CDIP1: variants seen among roughly 807,000 people sequenced by gnomAD.
The protein encoded by CDIP1 is cell death inducing p53 target 1.
CDIP1 carries 9 observed loss-of-function variants against 17.7 expected under a neutral mutation model. That is an observed-to-expected ratio of 0.51 (90% CI 0.31 to 0.89). The LOEUF (loss-of-function observed/expected upper bound fraction) is 0.89. CDIP1 is among the 40% of genes least tolerant of loss of function. CDIP1 has a pLI of 0.05. For synonymous variants in CDIP1, 117 were observed against 109.5 expected (o/e 1.07, Z -0.43); for missense variants, 263 against 277.9 (o/e 0.95, Z 0.38).
chr16:4,514,288 C>A lies in CDIP1; in HGVS notation c.-14-144G>T. On this transcript the variant is annotated intron_variant, in intron 2 of 5. Coordinates refer to ENST00000567695, the MANE Select transcript of CDIP1 (RefSeq NM_013399.3). The surrounding 1 kb of genome is among the most constrained non-coding windows in gnomAD (Gnocchi z 5.2). ...GCCTCCAGGCACTGGGGATCCCCCACCTTTCCCAGGGCCACCTAGCCCAGA... is the reference window on the plus strand; with the variant it reads ...GCCTCCAGGCACTGGGGATCCCCCAACTTTCCCAGGGCCACCTAGCCCAGA... 1.8e-6 allele frequency: 1 copy of A among 564,840 alleles called. No individual in the cohort carries two copies. Among genetic ancestry groups the A allele is most frequent in the Non-Finnish European group, 3.1e-6 (1 of 319,606 alleles). The allele number at this position is 564,840 out of a possible 1,614,324, so 35.0% of individuals were successfully genotyped here.
chr16:4,526,893 C>A (rs1159869304), intron 1 of CDIP1, among the ~76,000 whole-genome samples: 11 of 151,992 alleles, frequency 7.2e-5, no homozygotes, highest in Non-Finnish European at 1.5e-4. Flanking sequence ...GCATCAGGCC[C>A]CACGCCCACC....
In CDIP1 at chr16:4,510,797, T is replaced by C. The variant is rs1236821843; in HGVS notation, c.*1775A>G. ...AAAGTAGGGAAACTCTTTAAACTAC[T>C]GACCAAGACTGCCACCTTCATAATT... On this transcript the variant is annotated 3_prime_UTR_variant, in exon 6 of 6. Transcript: ENST00000567695. The C allele has an allele frequency of 3.3e-5, 5 of 152,254 alleles. No homozygotes were observed. The highest frequency in any genetic ancestry group is 7.3e-5 in the Non-Finnish European group (5 of 68,046). The allele number at this position is 152,254 out of a possible 1,614,324, so 9.4% of individuals were successfully genotyped here.
chr16:4,512,704 A>G lies in CDIP1; in HGVS notation c.516-21T>C. On this transcript the variant is annotated intron_variant, in intron 5 of 5. Coordinates refer to ENST00000567695, the MANE Select transcript of CDIP1 (RefSeq NM_013399.3). The surrounding 1 kb of genome is among the most constrained non-coding windows in gnomAD (Gnocchi z 4.6). Reference sequence around the variant, plus strand: ...CACATCTGAATCAGAGACAGGGAAGAACAGGCTGAGGCCTGCTGCGGAGGA... The same window carrying G: ...CACATCTGAATCAGAGACAGGGAAGGACAGGCTGAGGCCTGCTGCGGAGGA... The G allele has an allele frequency of 6.2e-7, 1 of 1,610,212 alleles. No homozygotes were observed. The highest frequency in any genetic ancestry group is 1.1e-5 in the South Asian group (1 of 91,032).
At chr16:4,533,722 C>A (rs2059078430) in intron 1 of CDIP1, 1 of 152,038 alleles carries the variant, frequency 6.6e-6, no homozygotes, top group Admixed American at 6.6e-5. Flanking sequence ...CAAGCCCACC[C>A]CCGTACTCTT....
chr16:4,524,163 C>G (rs930685679), intron 1 of CDIP1: 1 of 152,262 alleles, frequency 6.6e-6, no homozygotes, highest in African/African-American at 2.4e-5. Flanking sequence ...AGTTTCCCCA[C>G]GTGCAAAATG....
At position 4,514,370 on chromosome 16, in the gene CDIP1, G is replaced by T. The variant is rs1275786235; in HGVS notation, c.-15+205C>A. Among the ~76,000 whole-genome samples, 3 of 152,328 alleles carry T rather than the reference G, an allele frequency of 2.0e-5. No homozygotes were observed. Among genetic ancestry groups the T allele is most frequent in the South Asian group, 2.1e-4 (1 of 4,830 alleles). On this transcript the variant is annotated intron_variant, in intron 2 of 5. Transcript: ENST00000567695. This position sits in a 1 kb window ranked among gnomAD's most constrained non-coding sequence, Gnocchi z 5.2. ...CTCTTCCCTGTTTGGAAGCTGAAGG[G>T]CAAGGACAGAACCCAGGAAGCAGGG...
At chr16:4,515,973 C>A (rs540675095) in intron 1 of CDIP1, among the ~76,000 whole-genome samples, 1 of 152,160 alleles carries the variant, frequency 6.6e-6, no homozygotes, top group Non-Finnish European at 1.5e-5. Flanking sequence ...GAAATTTGTA[C>A]ACAAATGTTC....
chr16:4,516,488 C>T (rs1202647608), intron 1 of CDIP1, among the ~76,000 whole-genome samples: 2 of 152,058 alleles, frequency 1.3e-5, no homozygotes, highest in Non-Finnish European at 2.9e-5. Context: ...CCACATGTCC[C>T]TGCTGGTCTG....
chr16:4,522,745 G>C (rs549808728), intron 1 of CDIP1, among the ~76,000 whole-genome samples: 1 of 152,214 alleles, frequency 6.6e-6, no homozygotes, highest in African/African-American at 2.4e-5. Flanking sequence ...GTGGGCCTCA[G>C]GGAAGATGCT....
intron 1 of CDIP1, among the ~76,000 whole-genome samples, chr16:4,515,705 C>T (rs1398619832): frequency 2.0e-5 from 3 of 152,174 alleles, no homozygotes; most frequent in Admixed American, 2.0e-4. Flanking sequence ...ACCAAAACCA[C>T]AAGGAGACCA....
intron 1 of CDIP1, among the ~76,000 whole-genome samples, chr16:4,534,626 C>T (rs915046070): frequency 2.3e-4 from 35 of 151,326 alleles, no homozygotes; most frequent in African/African-American, 6.8e-4. Context: ...GTTCATAGGG[C>T]GGTACACTGC....
In CDIP1 at chr16:4,512,310, T is replaced by TCA. The variant is rs1402802387; in HGVS notation, c.*260_*261dup. 3.6e-6 allele frequency: 2 copies of TCA among 556,986 alleles called. No homozygotes were observed. Among genetic ancestry groups the TCA allele is most frequent in the African/African-American group, 3.8e-5 (2 of 52,990 alleles). 34.5% of individuals were successfully genotyped at this position (556,986 alleles called of 1,614,324 possible). ...GACCCCTCCCAGCTTATCTTCCCGA[T>TCA]CACACACACCAAGCAGACCAACAAC... is the stretch of plus-strand genomic sequence containing the variant. On this transcript the variant is annotated 3_prime_UTR_variant, in exon 6 of 6. Coordinates refer to ENST00000567695, the MANE Select transcript of CDIP1 (RefSeq NM_013399.3). This position sits in a 1 kb window ranked among gnomAD's most constrained non-coding sequence, Gnocchi z 4.6.
chr16:4,516,142 T>C lies in CDIP1; in HGVS notation c.-104-1478A>G, dbSNP rs150735759. On this transcript the variant is annotated intron_variant, in intron 1 of 5. Transcript: ENST00000567695. ...CCCTACAGCATGAACTCTGAAAACA[T>C]GCTTGGTGAGAGAAGCCAGACACAA... Among the ~76,000 whole-genome samples, 12 of 152,270 alleles carry C rather than the reference T, an allele frequency of 7.9e-5. No homozygotes were observed. In the East Asian group the frequency reaches 2.1e-3, roughly 27 times the overall value.
rs28504548 is a variant in CDIP1, at chr16:4,514,038, C to T, written c.85+8G>A. 3.4e-3 allele frequency: 5,035 copies of T among 1,494,832 alleles called. 173 individuals carry two copies. In the African/African-American group the frequency reaches 0.067, roughly 20 times the overall value. The allele number at this position is 1,494,832 out of a possible 1,614,324, so 92.6% of individuals were successfully genotyped here. A position where few individuals can be genotyped will look rare whatever the true frequency, so the allele number is the denominator to read the frequency against. ...CAATATGGAGCCTCAGGAACAGTGA[C>T]CCCCTACCTGGGGTGGGCGGGGCTC... On this transcript the variant is annotated splice_region_variant and intron_variant, in intron 3 of 5. Transcript: ENST00000567695. This position sits in a 1 kb window ranked among gnomAD's most constrained non-coding sequence, Gnocchi z 5.2.
rs550470375 is a variant in CDIP1 at position 4,522,631 on chromosome 16, ACT to A, written c.-104-7969_-104-7968del. 8.7e-4 allele frequency: 132 copies of A among 152,108 alleles called. 1 individual carries two copies. Among genetic ancestry groups the A allele is most frequent in the Non-Finnish European group, 2.5e-4 (17 of 68,010 alleles). The allele number at this position is 152,108 out of a possible 1,614,324, so 9.4% of individuals were successfully genotyped here. A position where few individuals can be genotyped will look rare whatever the true frequency, so the allele number is the denominator to read the frequency against. Reference sequence around the variant, plus strand: ...GGCAGAGCCGAGGTAAAAGACAAACACTCTCTGTGCTTCTTGGGTCTGAAAAG... The same window carrying A: ...GGCAGAGCCGAGGTAAAAGACAAACACTCTGTGCTTCTTGGGTCTGAAAAG... On this transcript the variant is annotated intron_variant, in intron 1 of 5. Transcript: ENST00000567695.
intron 1 of CDIP1, chr16:4,523,818 A>T (rs572462658): frequency 2.6e-4 from 39 of 152,380 alleles, no homozygotes; most frequent in African/African-American, 8.4e-4. Flanking sequence ...GGAAGGAGGG[A>T]TGTGCCCCTG....
Position 4,512,872 on chromosome 16 carries a change from C to T in CDIP1, c.434G>A (p.Cys145Tyr). Residue 145 changes from cysteine (C) to tyrosine (Y), a missense_variant, in exon 5 of 6, where the codon TGC (cysteine) becomes TAC (tyrosine). Physicochemically the swap from Cys to Tyr is radical, Grantham distance 194 (BLOSUM62 -2). Coordinates refer to ENST00000567695, the MANE Select transcript of CDIP1 (RefSeq NM_013399.3). The surrounding 1 kb of genome is among the most constrained non-coding windows in gnomAD (Gnocchi z 4.6). ...GATCTTGGTGGTGATGGCCTGCTGG[C>T]AGTGGGGACACACCGTCTGCACAGG... is the stretch of plus-strand genomic sequence containing the variant. The part of the protein sequence containing the change: ...GAPVQTVCPH[C>Y]QQAITTKISY... 2 of 1,564,044 alleles carry T rather than the reference C, an allele frequency of 1.3e-6. No individual in the cohort carries two copies. Among genetic ancestry groups the T allele is most frequent in the Non-Finnish European group, 1.7e-6 (2 of 1,153,744 alleles).
At position 4,512,772 on chromosome 16, in the gene CDIP1, C is replaced by A; in HGVS notation, c.515+19G>T. ...GACCCTGGTGCAGCCCCCACCCTAC[C>A]AGTGCCCACACCACCTACCCCATGA... On this transcript the variant is annotated intron_variant, in intron 5 of 5. Transcript: ENST00000567695. This position sits in a 1 kb window ranked among gnomAD's most constrained non-coding sequence, Gnocchi z 4.6. 6.3e-7 allele frequency: 1 copy of A among 1,593,090 alleles called. No homozygotes were observed. The highest frequency in any genetic ancestry group is 1.7e-4 in the Middle Eastern group (1 of 6,036).
intron 1 of CDIP1, among the ~76,000 whole-genome samples, chr16:4,521,700 T>TAAA (rs111828421): frequency 8.8e-5 from 8 of 90,566 alleles, no homozygotes; most frequent in Admixed American, 1.2e-4. Flanking sequence ...TCATCAATAT[T>TAAA]AAAAAAAAAA....
Sources: allele counts gnomAD v4.1 joint callset (sites outside exome capture counted in the v4.1 genomes callset), GRCh38; gene constraint gnomAD v4.1.1; non-coding constraint Gnocchi (gnomAD v3.1); transcripts MANE v1.5; gene names NCBI Gene and HGNC (gene_info 2026-07-23, HGNC 2026-07-21).